UTRN: variants seen among roughly 807,000 people sequenced by gnomAD.
UTRN encodes utrophin, also known as dystrophin-related protein 1.
UTRN carries 283 observed loss-of-function variants against 463.9 expected under a neutral mutation model. The observed-to-expected ratio is 0.61, with a 90% CI of 0.55 to 0.67. The LOEUF (loss-of-function observed/expected upper bound fraction) is 0.67. UTRN is among the 30% of genes least tolerant of loss of function. The probability of loss-of-function intolerance (pLI) is 0.00; values close to 1 mark genes in which losing one functional copy is unlikely to be tolerated. For missense variants in UTRN, 3,922 were observed against 4,084.3 expected (o/e 0.96, Z 1.08); for synonymous variants, 1,442 against 1,431.5 (o/e 1.01, Z -0.17).
chr6:144,561,339 C>A (rs576689879), intron 50 of UTRN, among the ~76,000 whole-genome samples: 1 of 147,226 alleles, frequency 6.8e-6, no homozygotes, highest in African/African-American at 2.5e-5. Flanking sequence ...TGTTTATACA[C>A]ACACATATAC....
intron 27 of UTRN, among the ~76,000 whole-genome samples, chr6:144,483,912 G>A (rs1233697021): frequency 1.3e-5 from 2 of 152,176 alleles, no homozygotes; most frequent in African/African-American, 4.8e-5. Flanking sequence ...TTTACTGGCT[G>A]GCCCTTTGTA....
intron 51 of UTRN, among the ~76,000 whole-genome samples, chr6:144,608,272 G>A (rs1385582805): frequency 6.6e-6 from 1 of 152,194 alleles, no homozygotes; most frequent in African/African-American, 2.4e-5. Context: ...GACTTGAAGA[G>A]CAGCTCTTCC....
chr6:144,713,496 C>A lies in UTRN; in HGVS notation c.7809+13253C>A, dbSNP rs558234583. Reference sequence around the variant, plus strand: ...GGGTGTGGTGGTGTATACCTGTAATCCCAGCTACTTGGGAGGCTGAGGCAG... The same window carrying A: ...GGGTGTGGTGGTGTATACCTGTAATACCAGCTACTTGGGAGGCTGAGGCAG... On this transcript the variant is annotated intron_variant, in intron 53 of 74. Coordinates refer to ENST00000367545, the MANE Select transcript of UTRN (RefSeq NM_007124.3). 8.2e-4 allele frequency among the ~76,000 whole-genome samples: 125 copies of A among 151,588 alleles called. 1 individual carries two copies. Among genetic ancestry groups the A allele is most frequent in the Admixed American group, 2.6e-4 (4 of 15,226 alleles).
chr6:144,500,902 G>A (rs1463641777), intron 34 of UTRN, among the ~76,000 whole-genome samples: 2 of 152,190 alleles, frequency 1.3e-5, no homozygotes, highest in Non-Finnish European at 2.9e-5. Context: ...GAGTATACTA[G>A]TGGGAAGTGC....
chr6:144,697,003 A>G (rs1534439), intron 52 of UTRN, among the ~76,000 whole-genome samples: 79,802 of 152,044 alleles, frequency 0.52, 25,214 homozygotes, highest in East Asian at 0.88. Flanking sequence ...ATGAAGTACC[A>G]TTTTTATGGG....
intron 50 of UTRN, among the ~76,000 whole-genome samples, chr6:144,561,327 T>A (rs768427175): frequency 2.0e-5 from 3 of 148,040 alleles, no homozygotes; most frequent in Admixed American, 6.8e-5. Flanking sequence ...CATATATGTG[T>A]GTGTTTATAC....
chr6:144,755,200 A>G (rs1038697352), intron 57 of UTRN, among the ~76,000 whole-genome samples: 1 of 152,200 alleles, frequency 6.6e-6, no homozygotes, highest in Non-Finnish European at 1.5e-5. Flanking sequence ...CAACTTTCAA[A>G]GTAAAAAAAA....
intron 58 of UTRN, among the ~76,000 whole-genome samples, chr6:144,762,086 A>G (rs1180690998): frequency 6.6e-6 from 1 of 152,168 alleles, no homozygotes; most frequent in Non-Finnish European, 1.5e-5. Flanking sequence ...TAGCCAAGTG[A>G]AGTATAGGTA....
At chr6:144,472,660 G>A (rs1203773420) in intron 23 of UTRN, among the ~76,000 whole-genome samples, 2 of 152,110 alleles carry the variant, frequency 1.3e-5, no homozygotes, top group African/African-American at 4.8e-5. Context: ...TTGGGAACAT[G>A]TAATCAGTAG....
intron 46 of UTRN, among the ~76,000 whole-genome samples, chr6:144,546,087 A>G (rs899901096): frequency 6.6e-6 from 1 of 152,226 alleles, no homozygotes; most frequent in Admixed American, 6.5e-5. Flanking sequence ...AATTAAAACA[A>G]TGAATTTTTT....
chr6:144,635,254 G>A (rs1196530545), intron 51 of UTRN, among the ~76,000 whole-genome samples: 2 of 149,276 alleles, frequency 1.3e-5, no homozygotes, highest in Non-Finnish European at 3.0e-5. Context: ...GGGCTCAAGC[G>A]ATCCTCCCAC....
At chr6:144,376,538 C>T (rs1177752216) in intron 2 of UTRN, among the ~76,000 whole-genome samples, 3 of 152,022 alleles carry the variant, frequency 2.0e-5, no homozygotes, top group Non-Finnish European at 2.9e-5. Context: ...TCAAGCAATC[C>T]GCCCTCCTCG....
chr6:144,825,074 G>A (rs756928535), intron 66 of UTRN, among the ~76,000 whole-genome samples: 4 of 151,956 alleles, frequency 2.6e-5, no homozygotes, highest in Non-Finnish European at 5.9e-5. Context: ...ATAAGCCACC[G>A]AGCCTGGCCT....
intron 2 of UTRN, among the ~76,000 whole-genome samples, chr6:144,339,786 T>C (rs550020384): frequency 2.6e-5 from 4 of 152,330 alleles, no homozygotes; most frequent in African/African-American, 9.6e-5. Flanking sequence ...TTTTTTCTTT[T>C]TAAAAAAGCT....
rs192099505 is a variant in UTRN at position 144,365,765 on chromosome 6, T to C, written c.80-37358T>C. ...ATTTTTATTTTTTTCTGAGACTGAG[T>C]CTTGCTCTGTCACCCAGGCTGGAGT... On this transcript the variant is annotated intron_variant, in intron 2 of 74. Transcript: ENST00000367545. Among the ~76,000 whole-genome samples, 337 of 152,324 alleles carry C rather than the reference T, an allele frequency of 2.2e-3. 1 individual carries two copies. Among genetic ancestry groups the C allele is most frequent in the Middle Eastern group, 0.014 (4 of 294 alleles).
intron 25 of UTRN, among the ~76,000 whole-genome samples, chr6:144,476,649 G>A (rs1791237541): frequency 6.6e-6 from 1 of 152,150 alleles, no homozygotes; most frequent in Non-Finnish European, 1.5e-5. Context: ...GGGAATGTGG[G>A]GTCCCAAATG....
At chr6:144,339,482 G>T (rs1286447054) in intron 2 of UTRN, among the ~76,000 whole-genome samples, 1 of 152,026 alleles carries the variant, frequency 6.6e-6, no homozygotes, top group Non-Finnish European at 1.5e-5. Flanking sequence ...TTTCATCATT[G>T]TACTCTGGTT....
rs770983795 is a variant in UTRN at position 144,485,530 on chromosome 6, G to A, written c.3822+11G>A. The A allele has an allele frequency of 3.1e-5, 50 of 1,613,846 alleles. No individual in the cohort carries two copies. Among genetic ancestry groups the A allele is most frequent in the South Asian group, 2.6e-4 (24 of 91,062 alleles). On this transcript the variant is annotated intron_variant, in intron 28 of 74. Transcript: ENST00000367545. ...AACGAAGCCCTGGAGGTTGGAACCC[G>A]TGATCTCCACGGCATTTCTCTTTGC...
intron 54 of UTRN, among the ~76,000 whole-genome samples, chr6:144,732,363 A>G (rs1447937708): frequency 6.6e-6 from 1 of 150,910 alleles, no homozygotes; most frequent in African/African-American, 2.4e-5. Context: ...ACATACTGCC[A>G]TTAATTCCAC....
Sources: allele counts gnomAD v4.1 joint callset (sites outside exome capture counted in the v4.1 genomes callset), GRCh38; gene constraint gnomAD v4.1.1; transcripts MANE v1.5; gene names NCBI Gene and HGNC (gene_info 2026-07-23, HGNC 2026-07-21).